Variants in CEP250 observed in about 807,000 individuals in gnomAD.
CEP250 encodes centrosome-associated protein CEP250.
Under a neutral mutation model 315.7 loss-of-function variants are expected in CEP250, and 242 were observed. The observed-to-expected ratio is 0.77, with a 90% confidence interval of 0.69 to 0.85. The LOEUF is 0.85. Among genes scored for constraint, CEP250 ranks in the 40% least tolerant of loss-of-function variants. CEP250 has a pLI of 0.00. For missense variants in CEP250, 2,515 were observed against 2,886.4 expected (o/e 0.87, Z 2.95); for synonymous variants, 1,088 against 1,175.0 (o/e 0.93, Z 1.51).
chr20:35,506,861 C>T (rs969260109), intron 30 of CEP250, among the ~76,000 whole-genome samples: 2 of 151,214 alleles, frequency 1.3e-5, no homozygotes, highest in African/African-American at 4.9e-5. Flanking sequence ...ACCTCCTTTC[C>T]TATGTTCAGG....
rs1215497659 is a variant in CEP250 at position 35,518,296 on chromosome 20, G to GAC, written c.*6673_*6674dup. ...CTGACTCTGAGCTACCTCATTCCTA[G>GAC]ACACCTGGTGCACCACAATGTGTCA... On this transcript the variant is annotated 3_prime_UTR_variant, in exon 35 of 35. Transcript: ENST00000397527. 6.6e-6 allele frequency: 1 copy of GAC among 152,126 alleles called. No individual in the cohort carries two copies. Among genetic ancestry groups the GAC allele is most frequent in the Non-Finnish European group, 1.5e-5 (1 of 68,040 alleles). 9.4% of individuals were successfully genotyped at this position (152,126 alleles called of 1,614,324 possible). A position where few individuals can be genotyped will look rare whatever the true frequency, so the allele number is the denominator to read the frequency against.
In CEP250 at chr20:35,469,963, CTG is replaced by C; in HGVS notation, c.926_927del (p.Leu309GlnfsTer18). On this transcript the variant is annotated frameshift_variant, in exon 10 of 35. Coordinates refer to ENST00000397527, the MANE Select transcript of CEP250 (RefSeq NM_007186.6). LOFTEE classifies it high-confidence loss of function. Reference sequence around the variant, plus strand: ...AGATTATGAAAAGATGATAAAGGCTCTGAGAGAGACAGTGGAGATCCTGGTAC... The same window carrying C: ...AGATTATGAAAAGATGATAAAGGCTCAGAGAGACAGTGGAGATCCTGGTAC... The part of the protein sequence containing the change: ...NEDYEKMIKA[L>X]RETVEILETN... The C allele has an allele frequency of 6.2e-7, 1 of 1,613,412 alleles. No individual in the cohort carries two copies. Among genetic ancestry groups the C allele is most frequent in the Non-Finnish European group, 8.5e-7 (1 of 1,179,404 alleles).
chr20:35,511,361 A>G lies in CEP250; in HGVS notation c.7066-2A>G. On this transcript the variant is annotated splice_acceptor_variant, in intron 34 of 34. Coordinates refer to ENST00000397527, the MANE Select transcript of CEP250 (RefSeq NM_007186.6). LOFTEE classifies it high-confidence loss of function. ...CTTTTTTTTTTTTTTCCTGCCCACC[A>G]GGTGGTCCTGCTGCAAGCTCAGCTG... is the stretch of plus-strand genomic sequence containing the variant. 6.3e-7 allele frequency: 1 copy of G among 1,583,794 alleles called. No individual in the cohort carries two copies.
intron 34 of CEP250, 48 bp from the exon 35 acceptor site, chr20:35,511,315 C>G: frequency 6.6e-7 from 1 of 1,505,530 alleles, no homozygotes; most frequent in Non-Finnish European, 9.0e-7. Context: ...GGGACAACTT[C>G]AGGGCCCTCA....
chr20:35,473,776 T>G, intron 13 of CEP250, 94 bp from the exon 14 acceptor site: 1 of 1,177,806 alleles, frequency 8.5e-7, no homozygotes, highest in Non-Finnish European at 1.2e-6. Context: ...GAAGATGGGA[T>G]GTTGAAACAG....
At chr20:35,482,411 T>A (rs1365787683) in intron 20 of CEP250, among the ~76,000 whole-genome samples, 2 of 151,606 alleles carry the variant, frequency 1.3e-5, no homozygotes, top group Admixed American at 1.3e-4. Flanking sequence ...TTTGTATTTT[T>A]AGTAAATACA....
intron 5 of CEP250, among the ~76,000 whole-genome samples, 188 bp from the exon 6 acceptor site, chr20:35,465,555 G>A (rs1438130888): frequency 6.6e-6 from 1 of 152,170 alleles, no homozygotes; most frequent in Non-Finnish European, 1.5e-5. Context: ...ACTGAAGGCC[G>A]TCTTTCAGGA....
Position 35,475,506 on chromosome 20 carries a change from G to A in CEP250, c.1576G>A (p.Glu526Lys), listed in dbSNP as rs1333298417. 2 of 1,613,906 alleles carry A rather than the reference G, an allele frequency of 1.2e-6. No homozygotes were observed. ...CCCCTCTCTTTCCCATCTTAGTCAG[G>A]AGATGCTGATGGGCCTGGAAGCCAA... ...LAVRERERLQ[E>K]MLMGLEAKQS... Residue 526 changes from glutamate to lysine, a missense_variant, in exon 15 of 35, where the codon GAG (glutamate) becomes AAG (lysine). Coordinates refer to ENST00000397527, the MANE Select transcript of CEP250 (RefSeq NM_007186.6).
chr20:35,456,902 C>T (rs2062642188), intron 1 of CEP250, among the ~76,000 whole-genome samples: 2 of 152,032 alleles, frequency 1.3e-5, no homozygotes, highest in South Asian at 4.2e-4. Flanking sequence ...CCGCCTCAGC[C>T]TCCTGAGTAG....
In CEP250 at chr20:35,503,380, G is replaced by C. The variant is rs1343201020; in HGVS notation, c.5011G>C (p.Glu1671Gln). 6.2e-7 allele frequency: 1 copy of C among 1,614,170 alleles called. No homozygotes were observed. Among genetic ancestry groups the C allele is most frequent in the East Asian group, 2.2e-5 (1 of 44,896 alleles). Residue 1671 changes from glutamate to glutamine, a missense_variant, in exon 30 of 35, where the codon GAG (glutamate) becomes CAG (glutamine). Transcript: ENST00000397527. The surrounding 1 kb of genome is among the most constrained non-coding windows in gnomAD (Gnocchi z 4.2). ...MLQKERIQVL[E>Q]DQRTRQTKIL... ...GCAGAAGGAGAGGATTCAGGTTCTC[G>C]AGGATCAGAGGACCCGGCAGACCAA...
intron 3 of CEP250, among the ~76,000 whole-genome samples, chr20:35,461,832 G>A (rs1362001042): frequency 6.6e-6 from 1 of 152,202 alleles, no homozygotes; most frequent in African/African-American, 2.4e-5. Flanking sequence ...CACTCAGCAA[G>A]TGTTAACAAT....
chr20:35,499,480 C>G (rs4911509), intron 27 of CEP250, among the ~76,000 whole-genome samples: 27,726 of 152,078 alleles, frequency 0.18, 2,641 homozygotes, highest in South Asian at 0.29. Flanking sequence ...GTGAACCTAT[C>G]AGTCAATACA....
At chr20:35,472,608 T>G in intron 11 of CEP250, 65 bp from the exon 12 acceptor site, 1 of 1,529,804 alleles carries the variant, frequency 6.5e-7, no homozygotes, top group East Asian at 2.3e-5. Context: ...GCTATAGGGT[T>G]AAGTCCCTCT....
Position 35,502,410 on chromosome 20 carries a change from G to A in CEP250, c.4041G>A (p.Gln1347=), listed in dbSNP as rs767800256. 35 of 1,612,796 alleles carry A rather than the reference G, an allele frequency of 2.2e-5. No individual in the cohort carries two copies. Among genetic ancestry groups the A allele is most frequent in the African/African-American group, 4.0e-5 (3 of 74,890 alleles). The part of the protein sequence containing the change: ...MEAQGERELL[Q]AAKENLTAQV... Reference sequence around the variant, plus strand: ...TCTAGGGTGAGCGAGAGTTACTTCAGGCAGCCAAGGAGAACCTGACAGCCC... The same window carrying A: ...TCTAGGGTGAGCGAGAGTTACTTCAAGCAGCCAAGGAGAACCTGACAGCCC... The change falls in exon 30 of 35, where the codon CAG becomes CAA. Residue 1347 remains glutamine (Q), a synonymous_variant. Coordinates refer to ENST00000397527, the MANE Select transcript of CEP250 (RefSeq NM_007186.6).
At chr20:35,471,106 CCT>C (rs1422660655) in intron 10 of CEP250, among the ~76,000 whole-genome samples, 1 of 152,108 alleles carries the variant, frequency 6.6e-6, no homozygotes, top group East Asian at 1.9e-4. Context: ...TTTCTGATTC[CCT>C]CTTTTTTTTT....
rs908130822 is a variant in CEP250 at position 35,473,568 on chromosome 20, G to A, written c.1388+16G>A. 6.3e-7 allele frequency: 1 copy of A among 1,596,488 alleles called. No homozygotes were observed. The highest frequency in any genetic ancestry group is 1.7e-5 in the Admixed American group (1 of 58,518). ...CTCTCAGCAAGTGAGCAGACGGGCT[G>A]TTCATCCCACCCTCCCAGCCTGGTC... On this transcript the variant is annotated intron_variant, in intron 13 of 34. Coordinates refer to ENST00000397527, the MANE Select transcript of CEP250 (RefSeq NM_007186.6).
At chr20:35,483,058 T>C (rs2063396514) in intron 20 of CEP250, among the ~76,000 whole-genome samples, 1 of 152,042 alleles carries the variant, frequency 6.6e-6, no homozygotes, top group South Asian at 2.1e-4. Flanking sequence ...CAGTGGCTCA[T>C]GCCTGTAATC....
chr20:35,509,419 C>G (rs535921466), intron 33 of CEP250, among the ~76,000 whole-genome samples: 1 of 152,310 alleles, frequency 6.6e-6, no homozygotes, highest in African/African-American at 2.4e-5. Context: ...AGCTTGATCT[C>G]TTAGACCTTT....
intron 32 of CEP250, 97 bp downstream of exon 32, chr20:35,508,287 G>C: frequency 7.8e-7 from 1 of 1,276,038 alleles, no homozygotes; most frequent in Non-Finnish European, 1.1e-6. Context: ...GCCAAATCCA[G>C]CCTGCTGCCT....
Sources: allele counts gnomAD v4.1 joint callset (sites outside exome capture counted in the v4.1 genomes callset), GRCh38; gene constraint gnomAD v4.1.1; non-coding constraint Gnocchi (gnomAD v3.1); transcripts MANE v1.5; gene names NCBI Gene and HGNC (gene_info 2026-07-23, HGNC 2026-07-21).